MARCHF8: variants seen among roughly 807,000 people sequenced by gnomAD.
MARCHF8 encodes the protein membrane associated ring-CH-type finger 8, also known as E3 ubiquitin-protein ligase MARCHF8.
MARCHF8 carries 40 observed loss-of-function variants against 51.6 expected under a neutral mutation model. The observed-to-expected ratio is 0.77, with a 90% CI of 0.60 to 1.01. The LOEUF (loss-of-function observed/expected upper bound fraction) is 1.01, where lower values mean the gene tolerates loss of function less well. Ranked by LOEUF, MARCHF8 falls within the 50% of genes least tolerant of loss-of-function variation. The probability of loss-of-function intolerance (pLI) is 0.00; values close to 1 mark genes in which losing one functional copy is unlikely to be tolerated. For synonymous variants in MARCHF8, 263 were observed against 280.3 expected (o/e 0.94, Z 0.62); for missense variants, 685 against 708.6 (o/e 0.97, Z 0.38).
chr10:45,491,953 A>G (rs780783982), intron 2 of MARCHF8, among the ~76,000 whole-genome samples: 7 of 152,242 alleles, frequency 4.6e-5, no homozygotes, highest in African/African-American at 7.2e-5. Flanking sequence ...GACATTAATT[A>G]TTCAACAGAG....
At chr10:45,526,477 T>A (rs1425168030) in intron 2 of MARCHF8, among the ~76,000 whole-genome samples, 1 of 152,006 alleles carries the variant, frequency 6.6e-6, no homozygotes, top group Admixed American at 6.5e-5. Context: ...TTGCTCAAAC[T>A]CACATGGGAG....
intron 2 of MARCHF8, among the ~76,000 whole-genome samples, chr10:45,515,924 T>C (rs2043610681): frequency 6.6e-6 from 1 of 152,238 alleles, no homozygotes; most frequent in Admixed American, 6.5e-5. Flanking sequence ...CCCAGGGATA[T>C]CCTTTTCCTC....
chr10:45,566,092 A>C, intron 1 of MARCHF8, among the ~76,000 whole-genome samples: 1 of 152,170 alleles, frequency 6.6e-6, no homozygotes. Context: ...AAGAAGTATA[A>C]AAATGTGGAA....
intron 3 of MARCHF8, among the ~76,000 whole-genome samples, chr10:45,481,165 G>C (rs2042878510): frequency 6.6e-6 from 1 of 152,216 alleles, no homozygotes; most frequent in Non-Finnish European, 1.5e-5. Context: ...ATTTTGGCCA[G>C]TTTCTCCCAT....
intron 2 of MARCHF8, among the ~76,000 whole-genome samples, chr10:45,511,679 G>C (rs2043509706): frequency 6.6e-6 from 1 of 152,238 alleles, no homozygotes; most frequent in Non-Finnish European, 1.5e-5. Context: ...CGAGGTGCTG[G>C]GATTGCAGAC....
In MARCHF8 at chr10:45,457,965, AC is replaced by A; in HGVS notation, c.*273del. 2.2e-6 allele frequency: 1 copy of A among 448,438 alleles called. No individual in the cohort carries two copies. The highest frequency in any genetic ancestry group is 3.9e-6 in the Non-Finnish European group (1 of 256,012). 27.8% of individuals were successfully genotyped at this position (448,438 alleles called of 1,614,324 possible). On this transcript the variant is annotated 3_prime_UTR_variant, in exon 8 of 8. Coordinates refer to ENST00000453424, the MANE Select transcript of MARCHF8 (RefSeq NM_001282866.2). ...ATTTTATTCTCTCATTCAGCTCAAG[AC>A]CATGGGCAGGAACTCTGCTGGCTCC...
chr10:45,576,656 T>A (rs2044492567), intron 1 of MARCHF8, among the ~76,000 whole-genome samples: 1 of 151,770 alleles, frequency 6.6e-6, no homozygotes, highest in African/African-American at 2.4e-5. Context: ...GTGTCCTGGC[T>A]CAAGCCTGTA....
intron 1 of MARCHF8, among the ~76,000 whole-genome samples, chr10:45,557,013 C>G (rs1390821460): frequency 1.3e-5 from 2 of 151,270 alleles, no homozygotes; most frequent in Admixed American, 6.6e-5. Context: ...GTACAGCATT[C>G]AACAGTGTTA....
chr10:45,575,146 A>G (rs1457541076), intron 1 of MARCHF8, among the ~76,000 whole-genome samples: 1 of 152,170 alleles, frequency 6.6e-6, no homozygotes, highest in Non-Finnish European at 1.5e-5. Context: ...TAAGGTAGCT[A>G]AAAAAGCAGC....
intron 3 of MARCHF8, among the ~76,000 whole-genome samples, chr10:45,472,195 G>T (rs777754777): frequency 2.2e-4 from 33 of 152,092 alleles, no homozygotes; most frequent in Non-Finnish European, 4.9e-4. Context: ...AACCCAGCAT[G>T]ATGGCCCCTC....
At chr10:45,568,710 T>TCC (rs1333009902) in intron 1 of MARCHF8, among the ~76,000 whole-genome samples, 1 of 88,744 alleles carries the variant, frequency 1.1e-5, no homozygotes. Context: ...AGAGCGAGAC[T>TCC]GTTTCAAAAA....
chr10:45,463,716 C>T lies in MARCHF8; in HGVS notation c.523G>A (p.Val175Met). 1.3e-6 allele frequency: 2 copies of T among 1,551,150 alleles called. No homozygotes were observed. Among genetic ancestry groups the T allele is most frequent in the South Asian group, 2.4e-5 (2 of 84,068 alleles). The part of the protein sequence containing the change: ...AQDTSESFAY[V>M]ERTCSEGKLI... The stretch of plus-strand genomic sequence containing the variant: ...TTCCCTTCAGAACAAGTTCTTTCCA[C>T]ATAGGCAAAACTTTCTGAAGTATCC... The change falls in exon 5 of 8, where the codon GTG becomes ATG. Residue 175 changes from valine to methionine, a missense_variant. Val to Met is a conservative substitution (Grantham distance 21). Transcript: ENST00000453424.
chr10:45,488,689 G>T (rs553001323), intron 3 of MARCHF8, among the ~76,000 whole-genome samples: 1 of 152,290 alleles, frequency 6.6e-6, no homozygotes, highest in South Asian at 2.1e-4. Flanking sequence ...TTCAAGGAAT[G>T]CAGTCTTGCA....
chr10:45,459,252 T>C lies in MARCHF8; in HGVS notation c.1285A>G (p.Met429Val). The C allele has an allele frequency of 1.9e-6, 3 of 1,613,898 alleles. No individual in the cohort carries two copies. Among genetic ancestry groups the C allele is most frequent in the East Asian group, 2.2e-5 (1 of 44,864 alleles). Residue 429 changes from methionine to valine, a missense_variant, in exon 7 of 8, where the codon ATG becomes GTG. By Grantham distance (21) the Met-to-Val change is conservative. Coordinates refer to ENST00000453424, the MANE Select transcript of MARCHF8 (RefSeq NM_001282866.2). ...ATCTTCCTGCGCTCGCTGGACGTCATCTGCAACTTCTCCCACTAGAAAGAC... is the reference window on the plus strand; with the variant it reads ...ATCTTCCTGCGCTCGCTGGACGTCACCTGCAACTTCTCCCACTAGAAAGAC... ...KPLRKWEKLQ[M>V]TSSERRKIMC...
chr10:45,469,168 C>G (rs1843074779), intron 3 of MARCHF8, among the ~76,000 whole-genome samples: 1 of 151,808 alleles, frequency 6.6e-6, no homozygotes, highest in African/African-American at 2.4e-5. Context: ...GTGAAACAAG[C>G]AGAGAGAGGC....
chr10:45,572,056 C>T (rs1016518656), intron 1 of MARCHF8, among the ~76,000 whole-genome samples: 23 of 152,184 alleles, frequency 1.5e-4, no homozygotes, highest in Admixed American at 9.2e-4. Context: ...GGGACACCTG[C>T]TTTGGCTGCT....
intron 1 of MARCHF8, among the ~76,000 whole-genome samples, chr10:45,555,203 T>C (rs1335913944): frequency 1.3e-5 from 2 of 152,152 alleles, no homozygotes; most frequent in African/African-American, 4.8e-5. Flanking sequence ...CACTCCAGCC[T>C]GGGCAACAAA....
chr10:45,573,709 C>T (rs1248480653), intron 1 of MARCHF8, among the ~76,000 whole-genome samples: 24 of 152,198 alleles, frequency 1.6e-4, no homozygotes, highest in Admixed American at 1.6e-3. Flanking sequence ...CAGAAGCCTC[C>T]TGGACCATCA....
At chr10:45,534,276 G>A (rs1185795065) in intron 1 of MARCHF8, among the ~76,000 whole-genome samples, 2 of 149,778 alleles carry the variant, frequency 1.3e-5, no homozygotes, top group Non-Finnish European at 2.9e-5. Context: ...TAGGCAGCAG[G>A]CTAGATTTGG....
Sources: gnomAD v4.1 joint callset for allele counts (sites outside exome capture counted in the v4.1 genomes callset) on GRCh38, gnomAD v4.1.1 for gene constraint, MANE v1.5 for transcripts, NCBI Gene and HGNC (gene_info 2026-07-23, HGNC 2026-07-21) for gene names.